NALCN: variants seen among roughly 807,000 people sequenced by gnomAD.
NALCN encodes the protein sodium leak channel, non-selective, also known as sodium leak channel NALCN.
In NALCN, 111 loss-of-function variants were observed where a neutral mutation model predicts 225.3. That is an observed-to-expected ratio of 0.49 (90% CI 0.42 to 0.58). NALCN has a LOEUF of 0.58. Among genes scored for constraint, NALCN ranks in the 20% least tolerant of loss-of-function variants. NALCN has a pLI of 0.00. For missense variants in NALCN, 1,378 were observed against 2,202.4 expected, an observed-to-expected ratio of 0.63 and a Z score of 7.49; for synonymous variants, 764 against 769.0, an observed-to-expected ratio of 0.99 and a Z score of 0.11.
At chr13:101,345,737 AATATATATATATATATATATATAT>A (rs10560892) in intron 6 of NALCN, among the ~76,000 whole-genome samples, 1 of 86,654 alleles carries the variant, frequency 1.2e-5, no homozygotes, top group African/African-American at 4.7e-5. Flanking sequence ...CAGCAAAGAG[AATATATATATATATATATATATAT>A]ATATATATAT....
At chr13:101,107,063 T>C (rs1366898531) in intron 22 of NALCN, among the ~76,000 whole-genome samples, 4 of 152,332 alleles carry the variant, frequency 2.6e-5, no homozygotes, top group Non-Finnish European at 4.4e-5. Flanking sequence ...TAATCAACTT[T>C]ACGTTATTCT....
At position 101,088,901 on chromosome 13, in the gene NALCN, C is replaced by CT. The variant is rs1413413301; in HGVS notation, c.3489+761dup. On this transcript the variant is annotated intron_variant, in intron 30 of 43. Transcript: ENST00000251127. ...ATATGAAATTAGAAAATCTTTTTTTCTTTTTTTTCTTTTTTTTTTTTGAGT... is the reference window on the plus strand; with the variant it reads ...ATATGAAATTAGAAAATCTTTTTTTCTTTTTTTTTCTTTTTTTTTTTTGAGT... 5.9e-5 allele frequency among the ~76,000 whole-genome samples: 5 copies of CT among 85,150 alleles called. No homozygotes were observed. The East Asian group carries it at 8.5e-4, about 14-fold the overall frequency. 55.9% of individuals were successfully genotyped at this position (85,150 alleles called of 152,430 possible). A position where few individuals can be genotyped will look rare whatever the true frequency, so the allele number is the denominator to read the frequency against.
At chr13:101,198,961 A>G (rs1202925386) in intron 13 of NALCN, among the ~76,000 whole-genome samples, 10 of 152,144 alleles carry the variant, frequency 6.6e-5, no homozygotes, top group Non-Finnish European at 1.2e-4. Flanking sequence ...CTATGCAGCC[A>G]TAAAATTGAT....
At chr13:101,199,142 G>A (rs1323573674) in intron 13 of NALCN, among the ~76,000 whole-genome samples, 3 of 151,876 alleles carry the variant, frequency 2.0e-5, no homozygotes, top group African/African-American at 7.3e-5. Flanking sequence ...CCTGTTGTGG[G>A]GTGGGGGGAG....
chr13:101,347,855 C>T (rs1166372495), intron 6 of NALCN, among the ~76,000 whole-genome samples: 1 of 152,114 alleles, frequency 6.6e-6, no homozygotes, highest in Non-Finnish European at 1.5e-5. Context: ...GTACTGTACT[C>T]AAATAATGCT....
chr13:101,394,882 C>T lies in NALCN; in HGVS notation c.291+301G>A, dbSNP rs1000264623. Among the ~76,000 whole-genome samples, 30 of 152,200 alleles carry T rather than the reference C, an allele frequency of 2.0e-4. 1 individual carries two copies. The highest frequency in any genetic ancestry group is 7.2e-4 in the African/African-American group (30 of 41,454). ...GCCAGCCCCTGTGCTGGGTTGTGGG[C>T]TCAGCCCTAAGTGGCATGAATAACC... On this transcript the variant is annotated intron_variant, in intron 3 of 43. Transcript: ENST00000251127.
chr13:101,135,517 G>A (rs575204623), intron 17 of NALCN, among the ~76,000 whole-genome samples: 11 of 152,164 alleles, frequency 7.2e-5, no homozygotes, highest in Non-Finnish European at 1.5e-4. Flanking sequence ...TCATGCCTCA[G>A]CCTCCCGAGT....
intron 7 of NALCN, among the ~76,000 whole-genome samples, chr13:101,300,903 T>C (rs2043941876): frequency 6.6e-6 from 1 of 152,252 alleles, no homozygotes; most frequent in Non-Finnish European, 1.5e-5. Context: ...TTAATTTTGA[T>C]TTTGGTTTCT....
chr13:101,226,333 A>G (rs955257705), intron 13 of NALCN, among the ~76,000 whole-genome samples: 1 of 151,996 alleles, frequency 6.6e-6, no homozygotes, highest in African/African-American at 2.4e-5. Flanking sequence ...TAAGCTCCCC[A>G]CTTCCTACAC....
intron 3 of NALCN, among the ~76,000 whole-genome samples, chr13:101,379,476 T>C (rs1245838428): frequency 1.3e-5 from 2 of 152,126 alleles, no homozygotes; most frequent in South Asian, 2.1e-4. Flanking sequence ...CAAATGCCCA[T>C]CAATGATAAA....
intron 40 of NALCN, among the ~76,000 whole-genome samples, chr13:101,063,862 C>T (rs544028218): frequency 2.2e-4 from 33 of 152,194 alleles, no homozygotes; most frequent in African/African-American, 7.2e-4. Flanking sequence ...GCTAGTCAGT[C>T]GCTCTTATTT....
intron 37 of NALCN, among the ~76,000 whole-genome samples, chr13:101,070,719 A>G (rs531423348): frequency 6.6e-6 from 1 of 152,300 alleles, no homozygotes; most frequent in South Asian, 2.1e-4. Flanking sequence ...CATGCTGCAA[A>G]CAGCTATTCT....
At chr13:101,171,064 T>C (rs1366466579) in intron 15 of NALCN, among the ~76,000 whole-genome samples, 1 of 152,122 alleles carries the variant, frequency 6.6e-6, no homozygotes, top group African/African-American at 2.4e-5. Context: ...AGAGAAGTTT[T>C]AGGTCAAGGG....
At chr13:101,318,350 A>T (rs565401575) in intron 7 of NALCN, among the ~76,000 whole-genome samples, 1 of 152,236 alleles carries the variant, frequency 6.6e-6, no homozygotes, top group South Asian at 2.1e-4. Flanking sequence ...CAGCTCTGGG[A>T]ACTGGCATGG....
intron 17 of NALCN, among the ~76,000 whole-genome samples, chr13:101,129,191 A>G (rs1468511262): frequency 1.3e-5 from 2 of 152,134 alleles, no homozygotes; most frequent in Non-Finnish European, 2.9e-5. Context: ...TTATTTGGTT[A>G]CCCAGTAGCA....
At chr13:101,064,491 G>A (rs1023505457) in intron 40 of NALCN, among the ~76,000 whole-genome samples, 3 of 152,084 alleles carry the variant, frequency 2.0e-5, no homozygotes, top group African/African-American at 4.8e-5. Context: ...TGAGATCACA[G>A]TGGAGTAGAA....
At chr13:101,179,307 T>G (rs531759971) in intron 14 of NALCN, among the ~76,000 whole-genome samples, 21 of 141,800 alleles carry the variant, frequency 1.5e-4, no homozygotes, top group African/African-American at 4.5e-4. Flanking sequence ...GCTCAACAAA[T>G]TGCAGCTTTT....
At chr13:101,237,993 G>T in intron 11 of NALCN, 71 bp from the exon 12 acceptor site, 1 of 1,433,354 alleles carries the variant, frequency 7.0e-7, no homozygotes, top group Non-Finnish European at 9.5e-7. Context: ...TCACATATTT[G>T]TCAGTGTATG....
In NALCN at chr13:101,055,377, C is replaced by T. The variant is rs766908518; in HGVS notation, c.5135G>A (p.Cys1712Tyr). The T allele has an allele frequency of 2.5e-5, 41 of 1,614,026 alleles. No individual in the cohort carries two copies. The highest frequency in any genetic ancestry group is 3.4e-5 in the Non-Finnish European group (40 of 1,180,022). The change falls in exon 44 of 44, where the codon TGC becomes TAC. Residue 1712 changes from cysteine to tyrosine, a missense_variant. Cys to Tyr is a radical substitution (Grantham distance 194, BLOSUM62 -2). Around this residue, in one of 19 missense-constraint regions of NALCN, gnomAD observed 145 missense variants for 169.6 expected, o/e 0.85. Coordinates refer to ENST00000251127, the MANE Select transcript of NALCN (RefSeq NM_052867.4). Reference protein sequence around the residue: ...KMNPMTDAASCGSEVKKWWTR... With the variant: ...KMNPMTDAASYGSEVKKWWTR... ...CCACCACTTCTTAACTTCAGAACCG[C>T]AGGAAGCCGCGTCAGTCATGGGGTT...
Sources: gnomAD v4.1 joint callset for allele counts (sites outside exome capture counted in the v4.1 genomes callset) on GRCh38, gnomAD v4.1.1 for gene constraint, gnomAD v4.1.1 regional missense constraint, MANE v1.5 for transcripts, NCBI Gene and HGNC (gene_info 2026-07-23, HGNC 2026-07-21) for gene names.